Variants in PSIP1 observed in about 807,000 individuals in gnomAD.
PSIP1 encodes the protein PC4 and SRSF1 interacting protein 1, also known as PC4 and SFRS1-interacting protein.
Under a neutral mutation model 74.7 loss-of-function variants are expected in PSIP1, and 19 were observed. The observed-to-expected ratio is 0.25, with a 90% CI of 0.18 to 0.37. The LOEUF is 0.37. Among genes scored for constraint, PSIP1 ranks in the 10% least tolerant of loss-of-function variants. The probability of loss-of-function intolerance (pLI) is 1.00; values close to 1 mark genes in which losing one functional copy is unlikely to be tolerated. For missense variants in PSIP1, 601 were observed against 614.3 expected, an observed-to-expected ratio of 0.98 and a Z score of 0.23; for synonymous variants, 222 against 195.3, an observed-to-expected ratio of 1.14 and a Z score of -1.14.
intron 3 of PSIP1, among the ~76,000 whole-genome samples, chr9:15,499,010 T>C (rs909386564): frequency 6.6e-6 from 1 of 152,104 alleles, no homozygotes. Flanking sequence ...CAAGAAAAGA[T>C]ACACATTCAA....
chr9:15,482,608 C>T lies in PSIP1; in HGVS notation c.457-2921G>A, dbSNP rs144951353. Among the ~76,000 whole-genome samples the T allele has an allele frequency of 9.7e-4, 148 of 152,168 alleles. 1 individual carries two copies. The East Asian group carries it at 0.027, about 28-fold the overall frequency. On this transcript the variant is annotated intron_variant, in intron 6 of 15. Transcript: ENST00000380733. ...GTTAAGTCAGTTCCTTCAAATGTCCCCTCCATTCTCTCATCCAACATGTAT... is the reference window on the plus strand; with the variant it reads ...GTTAAGTCAGTTCCTTCAAATGTCCTCTCCATTCTCTCATCCAACATGTAT...
At chr9:15,472,884 T>C (rs1042090063) in intron 9 of PSIP1, 134 bp from the exon 10 acceptor site, 16 of 788,246 alleles carry the variant, frequency 2.0e-5, no homozygotes, top group Middle Eastern at 3.7e-4. Flanking sequence ...AACCTAAAAA[T>C]AGTCTTTGAA....
At chr9:15,490,682 C>CAAAAAAA (rs869054621) in intron 3 of PSIP1, among the ~76,000 whole-genome samples, 1 of 57,314 alleles carries the variant, frequency 1.7e-5, no homozygotes, top group Non-Finnish European at 3.5e-5. Flanking sequence ...GACTCTGTCT[C>CAAAAAAA]AAAAAAAAAA....
At chr9:15,469,198 CAT>C (rs2035742902) in intron 12 of PSIP1, 66 bp downstream of exon 12, 1 of 1,321,926 alleles carries the variant, frequency 7.6e-7, no homozygotes, top group Admixed American at 2.2e-5. Flanking sequence ...CTCATAAGAT[CAT>C]GTGAGAAAAT....
chr9:15,469,134 C>CA lies in PSIP1; in HGVS notation c.1105-77dup, dbSNP rs145855578. ...ACAATCTGTTTCTAAAGATCGTTTC[C>CA]AAAAAAAAAGAGGTAGTGCAAAATG... is the stretch of plus-strand genomic sequence containing the variant. On this transcript the variant is annotated intron_variant, in intron 12 of 15. Transcript: ENST00000380733. 1,248 of 1,398,628 alleles carry CA rather than the reference C, an allele frequency of 8.9e-4. 1 individual carries two copies. The highest frequency in any genetic ancestry group is 2.0e-3 in the Middle Eastern group (11 of 5,388). The allele number at this position is 1,398,628 out of a possible 1,614,324, so 86.6% of individuals were successfully genotyped here. A position where few individuals can be genotyped will look rare whatever the true frequency, so the allele number is the denominator to read the frequency against.
intron 3 of PSIP1, among the ~76,000 whole-genome samples, chr9:15,503,490 C>G (rs998775246): frequency 1.3e-5 from 2 of 151,882 alleles, no homozygotes; most frequent in South Asian, 4.2e-4. Context: ...GACCCCATCT[C>G]TAAAAAATAA....
At chr9:15,477,209 A>G (rs1265066905) in intron 8 of PSIP1, among the ~76,000 whole-genome samples, 1 of 149,488 alleles carries the variant, frequency 6.7e-6, no homozygotes, top group East Asian at 1.9e-4. Flanking sequence ...TTCTGCCACT[A>G]TTTTTAAAAA....
chr9:15,492,750 CAG>C (rs1388845384), intron 3 of PSIP1, among the ~76,000 whole-genome samples: 2 of 152,342 alleles, frequency 1.3e-5, no homozygotes, highest in Non-Finnish European at 2.9e-5. Flanking sequence ...GAAATCTAGG[CAG>C]AGTTTCCCAA....
At chr9:15,473,900 CAAACAAAAAAA>C (rs1170252319) in intron 9 of PSIP1, 98 bp downstream of exon 9, 1,264 of 756,030 alleles carry the variant, frequency 1.7e-3, no homozygotes, top group African/African-American at 2.8e-3. Flanking sequence ...GACTCCATCT[CAAACAAAAAAA>C]AAACAAAAAA....
intron 14 of PSIP1, 141 bp downstream of exon 14, chr9:15,468,489 A>G: frequency 2.1e-6 from 2 of 930,870 alleles, no homozygotes; most frequent in Non-Finnish European, 1.8e-6. Context: ...CAATAGGCCC[A>G]TCAGATTTTC....
At chr9:15,490,229 T>C in intron 3 of PSIP1, 105 bp from the exon 4 acceptor site, 1 of 1,076,096 alleles carries the variant, frequency 9.3e-7, no homozygotes, top group East Asian at 2.8e-5. Context: ...GAACCTAAAC[T>C]GCATTACAAA....
chr9:15,500,228 G>A (rs2037273749), intron 3 of PSIP1, among the ~76,000 whole-genome samples: 1 of 152,176 alleles, frequency 6.6e-6, no homozygotes, highest in Admixed American at 6.5e-5. Flanking sequence ...GCACTGTGGA[G>A]GCCGAGGCAG....
intron 10 of PSIP1, chr9:15,470,635 G>T (rs938606919): frequency 7.4e-5 from 66 of 891,198 alleles, no homozygotes; most frequent in Middle Eastern, 5.6e-4. Context: ...TAAAAATCAG[G>T]TTTTTTTTTT....
intron 4 of PSIP1, among the ~76,000 whole-genome samples, chr9:15,488,408 G>A (rs1438734357): frequency 6.6e-6 from 1 of 152,022 alleles, no homozygotes; most frequent in Admixed American, 6.6e-5. Context: ...AGATTTACTC[G>A]TGCTCTTCCT....
At position 15,484,621 on chromosome 9, in the gene PSIP1, G is replaced by A. The variant is rs190317086; in HGVS notation, c.456+1385C>T. On this transcript the variant is annotated intron_variant, in intron 6 of 15. Coordinates refer to ENST00000380733, the MANE Select transcript of PSIP1 (RefSeq NM_033222.5). ...GTGCACCCGTAATCCCAGCTAATCG[G>A]GGGGCTGAGGCAGGAGAATCACGTG... is the stretch of plus-strand genomic sequence containing the variant. 4.7e-3 allele frequency among the ~76,000 whole-genome samples: 711 copies of A among 152,184 alleles called. 6 individuals are homozygous for A. Among genetic ancestry groups the A allele is most frequent in the Non-Finnish European group, 7.2e-3 (490 of 68,002 alleles).
At chr9:15,507,189 T>C (rs1451188511) in intron 2 of PSIP1, among the ~76,000 whole-genome samples, 2 of 152,230 alleles carry the variant, frequency 1.3e-5, no homozygotes, top group Non-Finnish European at 2.9e-5. Context: ...CTGAATCACA[T>C]GAGGCTACCT....
At chr9:15,504,192 G>A (rs1448290239) in intron 3 of PSIP1, among the ~76,000 whole-genome samples, 1 of 152,102 alleles carries the variant, frequency 6.6e-6, no homozygotes, top group Admixed American at 6.5e-5. Flanking sequence ...AGTATTGTCA[G>A]CTTAACTTTA....
At chr9:15,510,360 A>G in intron 1 of PSIP1, 31 bp from the exon 2 acceptor site, 1 of 230,774 alleles carries the variant, frequency 4.3e-6, no homozygotes, top group African/African-American at 2.4e-5. Flanking sequence ...GGTTAAAGCG[A>G]AGAACCCCGA....
At chr9:15,508,045 T>C (rs1338577081) in intron 2 of PSIP1, among the ~76,000 whole-genome samples, 1 of 152,200 alleles carries the variant, frequency 6.6e-6, no homozygotes, top group African/African-American at 2.4e-5. Flanking sequence ...CTTAAAGAGT[T>C]TATGCAAATA....
Sources: gnomAD v4.1 joint callset for allele counts (sites outside exome capture counted in the v4.1 genomes callset) on GRCh38, gnomAD v4.1.1 for gene constraint, MANE v1.5 for transcripts, NCBI Gene and HGNC (gene_info 2026-07-23, HGNC 2026-07-21) for gene names.